The following DNAH1 variants were observed in gnomAD, a reference collection of about 807,000 sequenced individuals.
The protein encoded by DNAH1 is dynein axonemal heavy chain 1.
A neutral mutation model predicts 484.3 loss-of-function variants in DNAH1; 327 were observed. That is an observed-to-expected ratio of 0.68 (90% confidence interval 0.62 to 0.74). The LOEUF (loss-of-function observed/expected upper bound fraction) is 0.74, where lower values mean the gene tolerates loss of function less well. Ranked by LOEUF, DNAH1 falls within the 30% of genes least tolerant of loss-of-function variation. The pLI is 0.00. For synonymous variants in DNAH1, 2,192 were observed against 2,191.9 expected (o/e 1.00, Z 0.00); for missense variants, 5,052 against 5,546.8 (o/e 0.91, Z 2.83).
chr3:52,359,256 C>T lies in DNAH1; in HGVS notation c.4277C>T (p.Thr1426Ile). 1.3e-6 allele frequency: 2 copies of T among 1,567,414 alleles called. No homozygotes were observed. The highest frequency in any genetic ancestry group is 1.7e-6 in the Non-Finnish European group (2 of 1,155,462). The change falls in exon 26 of 78, where the codon ACC becomes ATC. Residue 1426 changes from threonine to isoleucine, a missense_variant. Around this residue, in one of 4 missense-constraint regions of DNAH1, gnomAD observed 2,929 missense variants for 3,409.4 expected, o/e 0.86. Coordinates refer to ENST00000420323, the MANE Select transcript of DNAH1 (RefSeq NM_015512.5). ...AIRAYPTMPR[T>I]QWVLNWPGQV... ...ATGCTGTCTTCCCAGATGCCCAGGA[C>T]CCAGTGGGTTCTGAACTGGCCTGGC...
In DNAH1 at chr3:52,352,587, T is replaced by A; in HGVS notation, c.2907T>A (p.Ile969=). The A allele has an allele frequency of 1.2e-6, 2 of 1,612,126 alleles. No individual in the cohort carries two copies. The highest frequency in any genetic ancestry group is 1.7e-6 in the Non-Finnish European group (2 of 1,179,296). The part of the protein sequence containing the change: ...VVAGFSIHVE[I]SRAHEIANEV... ...CTGGCTTCTCCATCCATGTGGAGATTTCACGTGCACACGAGATCGCCAACG... is the reference window on the plus strand; with the variant it reads ...CTGGCTTCTCCATCCATGTGGAGATATCACGTGCACACGAGATCGCCAACG... Residue 969 remains isoleucine (I), a synonymous_variant, in exon 18 of 78, where the codon ATT becomes ATA. Coordinates refer to ENST00000420323, the MANE Select transcript of DNAH1 (RefSeq NM_015512.5).
intron 2 of DNAH1, among the ~76,000 whole-genome samples, chr3:52,323,441 A>ATGCAT (rs1270055635): frequency 6.6e-6 from 1 of 152,198 alleles, no homozygotes; most frequent in African/African-American, 2.4e-5. Context: ...ACCACCTGAT[A>ATGCAT]TGCATTAAAC....
chr3:52,390,254 C>G (rs1200717711), intron 60 of DNAH1, among the ~76,000 whole-genome samples: 1 of 152,144 alleles, frequency 6.6e-6, no homozygotes, highest in African/African-American at 2.4e-5. Flanking sequence ...TGCTTGAGCC[C>G]AGAAGTTTGA....
At chr3:52,319,039 G>A (rs1701050866) in intron 1 of DNAH1, among the ~76,000 whole-genome samples, 1 of 152,224 alleles carries the variant, frequency 6.6e-6, no homozygotes, top group Non-Finnish European at 1.5e-5. Flanking sequence ...CTAGAACATG[G>A]ATCTTTGGGT....
Position 52,344,561 on chromosome 3 carries a change from A to G in DNAH1, c.1358A>G (p.Asn453Ser), listed in dbSNP as rs763195183. Reference sequence around the variant, plus strand: ...TATGAGCGCAGCATGAACAAGATCAACTTTGACCACGTTGTCTCTTCCAAG... The same window carrying G: ...TATGAGCGCAGCATGAACAAGATCAGCTTTGACCACGTTGTCTCTTCCAAG... ...LDYERSMNKI[N>S]FDHVVSSKPE... Residue 453 changes from asparagine to serine, a missense_variant, in exon 9 of 78, where the codon AAC (asparagine) becomes AGC (serine). Transcript: ENST00000420323. 4 of 1,614,032 alleles carry G rather than the reference A, an allele frequency of 2.5e-6. No individual in the cohort carries two copies. The highest frequency in any genetic ancestry group is 2.7e-5 in the African/African-American group (2 of 75,064).
chr3:52,348,299 T>C (rs972159315), intron 12 of DNAH1, among the ~76,000 whole-genome samples: 1 of 152,200 alleles, frequency 6.6e-6, no homozygotes, highest in African/African-American at 2.4e-5. Flanking sequence ...GTGTTGGAAC[T>C]GCGATCTGAA....
chr3:52,373,228 CCGCCA>C (rs1386482872), intron 44 of DNAH1, among the ~76,000 whole-genome samples, 175 bp downstream of exon 44: 3 of 151,920 alleles, frequency 2.0e-5, no homozygotes, highest in Non-Finnish European at 4.4e-5. Flanking sequence ...AGAGACGCCG[CCGCCA>C]CGGCTGCCGC....
intron 2 of DNAH1, among the ~76,000 whole-genome samples, chr3:52,322,997 A>G (rs1701205291): frequency 1.3e-5 from 2 of 152,068 alleles, no homozygotes; most frequent in Admixed American, 6.5e-5. Context: ...TCGACAACTC[A>G]TTACTGAGCT....
intron 21 of DNAH1, 75 bp from the exon 22 acceptor site, chr3:52,356,539 C>A: frequency 6.7e-7 from 1 of 1,493,606 alleles, no homozygotes; most frequent in Non-Finnish European, 9.2e-7. Flanking sequence ...GTGAAATGTC[C>A]CAGTCATTGG....
chr3:52,399,499 T>C (rs1191171289), intron 76 of DNAH1, 46 bp from the exon 77 acceptor site: 1 of 1,514,798 alleles, frequency 6.6e-7, no homozygotes, highest in Admixed American at 2.0e-5. Context: ...TAACCCAGAT[T>C]CTGGGTATTG....
In DNAH1 at chr3:52,383,908, G is replaced by C. The variant is rs1703976951; in HGVS notation, c.8199G>C (p.Leu2733=). 1 of 1,611,340 alleles carries C rather than the reference G, an allele frequency of 6.2e-7. No homozygotes were observed. Among genetic ancestry groups the C allele is most frequent in the South Asian group, 1.1e-5 (1 of 90,858 alleles). Residue 2733 remains leucine, a synonymous_variant, in exon 52 of 78, where the codon CTG becomes CTC. Transcript: ENST00000420323. ...CTCGTCTGAGGCAGTTTCCCTCCCT[G>C]GTCAACTGCTGTACCATCGACTGGT... is the stretch of plus-strand genomic sequence containing the variant. ...FRARLRQFPS[L]VNCCTIDWFN... is the part of the protein sequence containing the mutation.
intron 6 of DNAH1, among the ~76,000 whole-genome samples, chr3:52,328,584 C>G (rs1701436200): frequency 1.3e-5 from 2 of 152,266 alleles, no homozygotes; most frequent in African/African-American, 2.4e-5. Flanking sequence ...ACCATGCCCA[C>G]TTGATGCCAC....
chr3:52,358,441 G>T lies in DNAH1; in HGVS notation c.4087-117G>T. On this transcript the variant is annotated intron_variant, in intron 24 of 77. Transcript: ENST00000420323. The surrounding 1 kb of genome is among the most constrained non-coding windows in gnomAD (Gnocchi z 4.2). ...AGATAGACTCTCGGGGGGACGGGAAGGCAGGGCTTTCTTCTTGAGGTGGAG... is the reference window on the plus strand; with the variant it reads ...AGATAGACTCTCGGGGGGACGGGAATGCAGGGCTTTCTTCTTGAGGTGGAG... 8.8e-7 allele frequency: 1 copy of T among 1,132,720 alleles called. No homozygotes were observed. Among genetic ancestry groups the T allele is most frequent in the Non-Finnish European group, 1.2e-6 (1 of 816,978 alleles). The allele number at this position is 1,132,720 out of a possible 1,614,324, so 70.2% of individuals were successfully genotyped here.
Position 52,358,180 on chromosome 3 carries a change from G to A in DNAH1, c.4086+177G>A, listed in dbSNP as rs1702698130. Among the ~76,000 whole-genome samples, 1 of 152,220 alleles carries A rather than the reference G, an allele frequency of 6.6e-6. No individual in the cohort carries two copies. Among genetic ancestry groups the A allele is most frequent in the Non-Finnish European group, 1.5e-5 (1 of 68,030 alleles). ...GTCAACTGCAGAATCCCCAGCTCAGGGCTGAGGGCCCTGGATTTCCAACTC... is the reference window on the plus strand; with the variant it reads ...GTCAACTGCAGAATCCCCAGCTCAGAGCTGAGGGCCCTGGATTTCCAACTC... On this transcript the variant is annotated intron_variant, in intron 24 of 77. Transcript: ENST00000420323. The surrounding 1 kb of genome is among the most constrained non-coding windows in gnomAD (Gnocchi z 4.2).
At position 52,392,830 on chromosome 3, in the gene DNAH1, G is replaced by T. The variant is rs200093731; in HGVS notation, c.10279G>T (p.Ala3427Ser). Residue 3427 changes from alanine (A) to serine (S), a missense_variant and splice_region_variant, in exon 65 of 78, where the codon GCC becomes TCC. By Grantham distance (99) the Ala-to-Ser change is moderately conservative. Around this residue, in one of 4 missense-constraint regions of DNAH1, gnomAD observed 2,929 missense variants for 3,409.4 expected, o/e 0.86. Coordinates refer to ENST00000420323, the MANE Select transcript of DNAH1 (RefSeq NM_015512.5). ...ASKMKAAEIQ[A>S]KVRIAEQTEK... ...CTCCCCCCACCCACTACACCCACAGGCCAAAGTCAGGATTGCAGAGCAGAC... is the reference window on the plus strand; with the variant it reads ...CTCCCCCCACCCACTACACCCACAGTCCAAAGTCAGGATTGCAGAGCAGAC... 1.1e-4 allele frequency: 161 copies of T among 1,532,458 alleles called. No homozygotes were observed. The highest frequency in any genetic ancestry group is 1.3e-4 in the Non-Finnish European group (151 of 1,136,608). 94.9% of individuals were successfully genotyped at this position (1,532,458 alleles called of 1,614,324 possible). A position where few individuals can be genotyped will look rare whatever the true frequency, so the allele number is the denominator to read the frequency against.
Position 52,364,646 on chromosome 3 carries a change from T to TA in DNAH1, c.5253_5254insA (p.Asp1752ArgfsTer26). 6.2e-7 allele frequency: 1 copy of TA among 1,613,966 alleles called. No homozygotes were observed. The highest frequency in any genetic ancestry group is 1.1e-5 in the South Asian group (1 of 91,086). On this transcript the variant is annotated frameshift_variant, in exon 33 of 78. Coordinates refer to ENST00000420323, the MANE Select transcript of DNAH1 (RefSeq NM_015512.5). LOFTEE classifies it high-confidence loss of function. The surrounding 1 kb of genome is among the most constrained non-coding windows in gnomAD (Gnocchi z 4.2). ...CTTCTGTATGGCGACAGGATCACTA[T>TA]GACTTCGGGATGAGAGCCGTGAAAA...
At chr3:52,357,801 C>T in intron 23 of DNAH1, 66 bp downstream of exon 23, 1 of 1,573,794 alleles carries the variant, frequency 6.4e-7, no homozygotes, top group Non-Finnish European at 8.6e-7. Flanking sequence ...GTCCAGGGCC[C>T]TGCTCAGGCT....
In DNAH1 at chr3:52,382,310, C is replaced by T; in HGVS notation, c.7806-10C>T. 2 of 1,613,990 alleles carry T rather than the reference C, an allele frequency of 1.2e-6. No homozygotes were observed. Among genetic ancestry groups the T allele is most frequent in the South Asian group, 2.2e-5 (2 of 91,080 alleles). ...CCCTGGCATGCTTCAACCCAAACTT[C>T]TGCCTCCAGGGCCGAGTACGAGTGC... On this transcript the variant is annotated splice_polypyrimidine_tract_variant and intron_variant, in intron 49 of 77. Coordinates refer to ENST00000420323, the MANE Select transcript of DNAH1 (RefSeq NM_015512.5).
At chr3:52,336,090 C>A (rs759177829) in intron 8 of DNAH1, among the ~76,000 whole-genome samples, 1 of 152,112 alleles carries the variant, frequency 6.6e-6, no homozygotes, top group Non-Finnish European at 1.5e-5. Flanking sequence ...TTGATACTTT[C>A]TTTTGCTGTG....
Sources: allele counts gnomAD v4.1 joint callset (sites outside exome capture counted in the v4.1 genomes callset), GRCh38; gene constraint gnomAD v4.1.1; regional missense constraint gnomAD v4.1.1; non-coding constraint Gnocchi (gnomAD v3.1); transcripts MANE v1.5; gene names NCBI Gene and HGNC (gene_info 2026-07-23, HGNC 2026-07-21).